The following TOLLIP variants were observed in gnomAD, a reference collection of about 807,000 sequenced individuals.
The protein encoded by TOLLIP is toll-interacting protein.
TOLLIP carries 16 observed loss-of-function variants against 33.5 expected under a neutral mutation model. The ratio of observed to expected loss-of-function variants is 0.48; its 90% CI spans 0.32 to 0.72. TOLLIP has a LOEUF of 0.72. TOLLIP is among the 30% of genes least tolerant of loss of function. The pLI is 0.03. For missense variants in TOLLIP, 325 were observed against 396.6 expected (o/e 0.82, Z 1.53); for synonymous variants, 176 against 163.7 (o/e 1.07, Z -0.57).
intron 1 of TOLLIP, among the ~76,000 whole-genome samples, chr11:1,305,672 A>G (rs1432281776): frequency 1.3e-5 from 2 of 152,198 alleles, no homozygotes; most frequent in Non-Finnish European, 2.9e-5. Flanking sequence ...ATTATCAACG[A>G]TGTGAAGAGT....
chr11:1,293,228 G>A (rs1200414277), intron 2 of TOLLIP, among the ~76,000 whole-genome samples: 1 of 152,130 alleles, frequency 6.6e-6, no homozygotes, highest in African/African-American at 2.4e-5. Flanking sequence ...CCGGGAGGGT[G>A]GCCCGAGAGC....
rs1246279887 is a variant in TOLLIP, at chr11:1,303,401, CCTCTGCGTGT to C, written c.33+6055_33+6064del. On this transcript the variant is annotated intron_variant, in intron 1 of 5. Coordinates refer to ENST00000317204, the MANE Select transcript of TOLLIP (RefSeq NM_019009.4). This position sits in a 1 kb window ranked among gnomAD's most constrained non-coding sequence, Gnocchi z 4.2. Reference sequence around the variant, plus strand: ...GGGCACAGGGCGCGCGCTGCGGCAGCCTCTGCGTGTCACTGTGTGCCTGAGGCTTCCATGG... The same window carrying C: ...GGGCACAGGGCGCGCGCTGCGGCAGCCACTGTGTGCCTGAGGCTTCCATGG... 3.9e-5 allele frequency among the ~76,000 whole-genome samples: 6 copies of C among 152,196 alleles called. No homozygotes were observed. Among genetic ancestry groups the C allele is most frequent in the Non-Finnish European group, 1.5e-5 (1 of 68,042 alleles).
In TOLLIP at chr11:1,293,348, T is replaced by A. The variant is rs576440293; in HGVS notation, c.183+2297A>T. Among the ~76,000 whole-genome samples, 5 of 152,276 alleles carry A rather than the reference T, an allele frequency of 3.3e-5. No individual in the cohort carries two copies. The South Asian group carries it at 1.0e-3, about 32-fold the overall frequency. On this transcript the variant is annotated intron_variant, in intron 2 of 5. Transcript: ENST00000317204. ...GTGGAGCTGAGTGGTCGGCTCAGGC[T>A]GGGGCCAGCACATGGGTGTTTAGAC... is the stretch of plus-strand genomic sequence containing the variant.
In TOLLIP at chr11:1,276,670, C is replaced by A. The variant is rs151256822; in HGVS notation, c.*369G>T. ...GCTCTATTCCAATTACATCACATCA[C>A]AAAATGCCATGAATGGAATCGGAAG... On this transcript the variant is annotated 3_prime_UTR_variant, in exon 6 of 6. Coordinates refer to ENST00000317204, the MANE Select transcript of TOLLIP (RefSeq NM_019009.4). 2 of 1,351,908 alleles carry A rather than the reference C, an allele frequency of 1.5e-6. No individual in the cohort carries two copies. Among genetic ancestry groups the A allele is most frequent in the Non-Finnish European group, 1.9e-6 (2 of 1,029,832 alleles). The allele number at this position is 1,351,908 out of a possible 1,614,324, so 83.7% of individuals were successfully genotyped here.
At chr11:1,286,897 G>A (rs1863721209) in intron 4 of TOLLIP, among the ~76,000 whole-genome samples, 1 of 152,040 alleles carries the variant, frequency 6.6e-6, no homozygotes, top group Admixed American at 6.5e-5. Context: ...TGTCTCCTGA[G>A]TTCAAAACTG....
intron 5 of TOLLIP, among the ~76,000 whole-genome samples, chr11:1,279,843 G>A (rs560277476): frequency 2.6e-5 from 4 of 152,318 alleles, no homozygotes; most frequent in South Asian, 4.2e-4. Flanking sequence ...CCCGGCCGCC[G>A]GTGGGCAGGG....
chr11:1,307,160 G>T (rs892656648), intron 1 of TOLLIP, among the ~76,000 whole-genome samples: 5 of 152,178 alleles, frequency 3.3e-5, no homozygotes, highest in African/African-American at 1.2e-4. Flanking sequence ...TAAGTCACAT[G>T]TACTCCAAGC....
chr11:1,283,110 C>T (rs5743993), intron 5 of TOLLIP, among the ~76,000 whole-genome samples: 2,991 of 152,296 alleles, frequency 0.02, 87 homozygotes, highest in African/African-American at 0.068. Flanking sequence ...CCGTGAGGGA[C>T]GAGCAAGTCA....
At chr11:1,300,797 G>C (rs906263916) in intron 1 of TOLLIP, among the ~76,000 whole-genome samples, 2 of 152,352 alleles carry the variant, frequency 1.3e-5, no homozygotes, top group South Asian at 4.1e-4. Context: ...CCGCACCACA[G>C]TCGCCCCTGA....
rs1180688363 is a variant in TOLLIP at position 1,278,340 on chromosome 11, C to A, written c.611-1087G>T. 6.6e-6 allele frequency among the ~76,000 whole-genome samples: 1 copy of A among 152,180 alleles called. No homozygotes were observed. The highest frequency in any genetic ancestry group is 2.4e-5 in the African/African-American group (1 of 41,448). On this transcript the variant is annotated intron_variant, in intron 5 of 5. Coordinates refer to ENST00000317204, the MANE Select transcript of TOLLIP (RefSeq NM_019009.4). This position sits in a 1 kb window ranked among gnomAD's most constrained non-coding sequence, Gnocchi z 4.7. ...CACCTTTAAAAGCACGAACCATCTC[C>A]CAGCTAGGATCACTGGAGCGCTAGA...
rs200578328 is a variant in TOLLIP, at chr11:1,277,010, G to C, written c.*29C>G. 60 of 1,605,650 alleles carry C rather than the reference G, an allele frequency of 3.7e-5. No homozygotes were observed. The highest frequency in any genetic ancestry group is 4.9e-5 in the Non-Finnish European group (57 of 1,173,694). ...CGCCGGGTCGGCGTGTCCAAAGAGC[G>C]GGGGCAAAACGGCATCGAGGCAGAG... On this transcript the variant is annotated 3_prime_UTR_variant, in exon 6 of 6. Transcript: ENST00000317204. The surrounding 1 kb of genome is among the most constrained non-coding windows in gnomAD (Gnocchi z 4.2).
chr11:1,297,241 A>C (rs1402159217), intron 1 of TOLLIP, among the ~76,000 whole-genome samples: 1 of 152,160 alleles, frequency 6.6e-6, no homozygotes, highest in Admixed American at 6.5e-5. Flanking sequence ...TGGACTCCCA[A>C]TGACACGGTG....
chr11:1,292,639 G>T (rs1863985587), intron 2 of TOLLIP, among the ~76,000 whole-genome samples: 1 of 152,238 alleles, frequency 6.6e-6, no homozygotes, highest in Non-Finnish European at 1.5e-5. Context: ...ACCACATGCT[G>T]TTCTGGTGCA....
chr11:1,290,413 G>A lies in TOLLIP; in HGVS notation c.184-4C>T. 1 of 1,609,578 alleles carries A rather than the reference G, an allele frequency of 6.2e-7. No individual in the cohort carries two copies. The highest frequency in any genetic ancestry group is 2.2e-5 in the East Asian group (1 of 44,754). ...CGTAATTCTTGGCCAACTTTGCCTG[G>A]AATGAAGCCAATGTCAGGAAAAGGA... On this transcript the variant is annotated splice_polypyrimidine_tract_variant and splice_region_variant and intron_variant, in intron 2 of 5. Transcript: ENST00000317204. The surrounding 1 kb of genome is among the most constrained non-coding windows in gnomAD (Gnocchi z 4.9).
intron 1 of TOLLIP, among the ~76,000 whole-genome samples, chr11:1,305,473 A>G (rs1283398243): frequency 1.3e-5 from 2 of 152,244 alleles, no homozygotes. Context: ...TCCTTGAGGT[A>G]CGGGAAGATG....
intron 1 of TOLLIP, among the ~76,000 whole-genome samples, chr11:1,304,969 G>T (rs1377848467): frequency 1.3e-5 from 2 of 152,196 alleles, no homozygotes; most frequent in Non-Finnish European, 2.9e-5. Context: ...CCAGCTACGT[G>T]CTATCGATGG....
chr11:1,275,883 C>T lies in TOLLIP; in HGVS notation c.*1156G>A, dbSNP rs376358531. ...GAAGGCCGGCGGCAAGACACTTGAA[C>T]CACAAACACCAGACATGCAGGTGTC... On this transcript the variant is annotated 3_prime_UTR_variant, in exon 6 of 6. Transcript: ENST00000317204. 6.6e-6 allele frequency: 1 copy of T among 152,216 alleles called. No individual in the cohort carries two copies. Among genetic ancestry groups the T allele is most frequent in the Non-Finnish European group, 1.5e-5 (1 of 68,052 alleles). The allele number at this position is 152,216 out of a possible 1,614,324, so 9.4% of individuals were successfully genotyped here.
At chr11:1,292,769 A>C (rs540359158) in intron 2 of TOLLIP, among the ~76,000 whole-genome samples, 2 of 152,364 alleles carry the variant, frequency 1.3e-5, no homozygotes, top group East Asian at 3.9e-4. Context: ...CTTTCCCCAC[A>C]ATGGGCAAGA....
At chr11:1,293,955 C>T (rs944920424) in intron 2 of TOLLIP, among the ~76,000 whole-genome samples, 3 of 152,256 alleles carry the variant, frequency 2.0e-5, no homozygotes, top group Non-Finnish European at 2.9e-5. Flanking sequence ...GAAGGGGTGA[C>T]GGTGTAGCTG....
Sources: gnomAD v4.1 joint callset for allele counts (sites outside exome capture counted in the v4.1 genomes callset) on GRCh38, gnomAD v4.1.1 for gene constraint, Gnocchi (gnomAD v3.1) non-coding constraint, MANE v1.5 for transcripts, NCBI Gene and HGNC (gene_info 2026-07-23, HGNC 2026-07-21) for gene names.